The following ARHGAP29 variants were observed in gnomAD, a reference collection of about 807,000 sequenced individuals.
The protein encoded by ARHGAP29 is rho GTPase-activating protein 29.
ARHGAP29 carries 43 observed loss-of-function variants against 122.6 expected under a neutral mutation model. The ratio of observed to expected loss-of-function variants is 0.35; its 90% CI spans 0.27 to 0.45. The LOEUF is 0.45. Among genes scored for constraint, ARHGAP29 ranks in the 20% least tolerant of loss-of-function variants. The pLI is 1.00. For synonymous variants in ARHGAP29, 506 were observed against 497.1 expected (o/e 1.02, Z -0.24); for missense variants, 1,303 against 1,477.2 (o/e 0.88, Z 1.93).
chr1:94,242,144 C>G (rs973026990), upstream of ARHGAP29, among the ~76,000 whole-genome samples: 1 of 152,124 alleles, frequency 6.6e-6, no homozygotes, highest in African/African-American at 2.4e-5. Context: ...CAAAACACAA[C>G]AAGGATTGGC....
At chr1:94,236,830 G>A (rs1436161330) in intron 1 of ARHGAP29, among the ~76,000 whole-genome samples, 1 of 152,144 alleles carries the variant, frequency 6.6e-6, no homozygotes, top group Non-Finnish European at 1.5e-5. Context: ...AAATATCTCA[G>A]GAATGAGAGC....
chr1:94,201,952 C>G, intron 11 of ARHGAP29, 95 bp from the exon 12 acceptor site: 1 of 1,154,638 alleles, frequency 8.7e-7, no homozygotes, highest in Non-Finnish European at 1.2e-6. Context: ...ACTGAAAATT[C>G]TGAAATCTTC....
At chr1:94,183,601 T>A (rs1448193828) in intron 19 of ARHGAP29, among the ~76,000 whole-genome samples, 1 of 152,164 alleles carries the variant, frequency 6.6e-6, no homozygotes, top group Non-Finnish European at 1.5e-5. Context: ...CATTACATGT[T>A]CCCAGGACTC....
intron 12 of ARHGAP29, chr1:94,192,718 C>T (rs1650198926): frequency 6.6e-6 from 1 of 152,044 alleles, no homozygotes; most frequent in East Asian, 1.9e-4. Context: ...TGGAGAAGAG[C>T]AGAATAGGCA....
chr1:94,198,384 T>C (rs1479933143), intron 12 of ARHGAP29, among the ~76,000 whole-genome samples: 6 of 152,026 alleles, frequency 3.9e-5, no homozygotes, highest in African/African-American at 1.5e-4. Flanking sequence ...AGGCTGAGGA[T>C]TGCTTGAGCC....
At chr1:94,240,846 T>A (rs1282300800), upstream of ARHGAP29, among the ~76,000 whole-genome samples, 2 of 152,238 alleles carry the variant, frequency 1.3e-5, no homozygotes, top group African/African-American at 2.4e-5. Flanking sequence ...AGATTAGTAT[T>A]CTTTCTATCT....
At chr1:94,242,671 T>TAA (rs1209275316) in intron 1 of ARHGAP29, among the ~76,000 whole-genome samples, 1 of 112,402 alleles carries the variant, frequency 8.9e-6, no homozygotes, top group African/African-American at 3.4e-5. Context: ...ATGGAACAAA[T>TAA]AAAAAAACAA....
chr1:94,296,568 GA>G, the ARHGAP29 span, among the ~76,000 whole-genome samples: 1 of 152,150 alleles, frequency 6.6e-6, no homozygotes, highest in Non-Finnish European at 1.5e-5. Flanking sequence ...AATCAGGGGG[GA>G]CTACTGTACT....
chr1:94,247,729 G>A (rs1220912374), intron 1 of ARHGAP29: 2 of 752,736 alleles, frequency 2.7e-6, no homozygotes, highest in East Asian at 2.6e-4. Flanking sequence ...CACCACAGCG[G>A]CCGCCGCCTT....
chr1:94,180,730 C>T (rs897464031), intron 19 of ARHGAP29, among the ~76,000 whole-genome samples: 8 of 152,160 alleles, frequency 5.3e-5, no homozygotes, highest in African/African-American at 1.9e-4. Context: ...CTGCAGATTT[C>T]CTGCACAATA....
In ARHGAP29 at chr1:94,179,623, G is replaced by A. The variant is rs1649325097; in HGVS notation, c.2480+102C>T. On this transcript the variant is annotated intron_variant, in intron 20 of 22. Transcript: ENST00000260526. Reference sequence around the variant, plus strand: ...AAAAAAAAAAAAAAAAAAAAAGAATGGCTAAGAAAGTAAATTTTGTTATGT... The same window carrying A: ...AAAAAAAAAAAAAAAAAAAAAGAATAGCTAAGAAAGTAAATTTTGTTATGT... 8.6e-6 allele frequency: 5 copies of A among 582,616 alleles called. No individual in the cohort carries two copies. The Admixed American group carries it at 1.1e-4, about 13-fold the overall frequency. 36.1% of individuals were successfully genotyped at this position (582,616 alleles called of 1,614,324 possible). A position where few individuals can be genotyped will look rare whatever the true frequency, so the allele number is the denominator to read the frequency against.
chr1:94,256,905 T>C (rs1169563670), intron 1 of ARHGAP29, among the ~76,000 whole-genome samples: 1 of 152,084 alleles, frequency 6.6e-6, no homozygotes, highest in African/African-American at 2.4e-5. Flanking sequence ...TTATTTTACT[T>C]CGTGTATGTT....
chr1:94,223,736 G>T (rs1036093108), intron 2 of ARHGAP29, among the ~76,000 whole-genome samples: 1 of 151,706 alleles, frequency 6.6e-6, no homozygotes, highest in African/African-American at 2.4e-5. Flanking sequence ...AAATCTAGTA[G>T]ATATGAAATA....
chr1:94,225,473 A>T lies in ARHGAP29; in HGVS notation c.206-5081T>A, dbSNP rs144604344. Among the ~76,000 whole-genome samples the T allele has an allele frequency of 9.8e-3, 1,484 of 152,186 alleles. 21 individuals carry two copies. Among genetic ancestry groups the T allele is most frequent in the African/African-American group, 0.034 (1,411 of 41,564 alleles). On this transcript the variant is annotated intron_variant, in intron 2 of 22. Transcript: ENST00000260526. ...ACTAGTAATTCTGTAAGCCATTCAA[A>T]CTACCTTTGAAAACAGATTTGCCTC... is the stretch of plus-strand genomic sequence containing the variant.
In ARHGAP29 at chr1:94,186,610, T is replaced by A. The variant is rs1381703457; in HGVS notation, c.1682-13A>T. On this transcript the variant is annotated splice_polypyrimidine_tract_variant and intron_variant, in intron 15 of 22. Coordinates refer to ENST00000260526, the MANE Select transcript of ARHGAP29 (RefSeq NM_004815.4). ...CGATGAAAGTCTCCTAGAAGAAAATTGTGGATACAATTACCTGACCATTCA... is the reference window on the plus strand; with the variant it reads ...CGATGAAAGTCTCCTAGAAGAAAATAGTGGATACAATTACCTGACCATTCA... 1.9e-6 allele frequency: 3 copies of A among 1,586,458 alleles called. No individual in the cohort carries two copies. Among genetic ancestry groups the A allele is most frequent in the Non-Finnish European group, 2.6e-6 (3 of 1,155,588 alleles).
At chr1:94,231,703 T>A in intron 1 of ARHGAP29, 60 bp from the exon 2 acceptor site, 1 of 1,265,802 alleles carries the variant, frequency 7.9e-7, no homozygotes, top group Admixed American at 2.3e-5. Flanking sequence ...ACACAAAAAC[T>A]AAATCAGCCA....
Position 94,226,447 on chromosome 1 carries a change from G to A in ARHGAP29, c.205+4960C>T, listed in dbSNP as rs1205142169. ...AGGAAGAAGATAAATAACTTGCCCA[G>A]GGCTACAAACAACTAGCAAGTGGCA... On this transcript the variant is annotated intron_variant, in intron 2 of 22. Transcript: ENST00000260526. 2.6e-5 allele frequency among the ~76,000 whole-genome samples: 4 copies of A among 151,772 alleles called. 1 individual carries two copies.
At chr1:94,179,986 G>A (rs1208873140) in intron 19 of ARHGAP29, 29 bp from the exon 20 acceptor site, 4 of 1,490,376 alleles carry the variant, frequency 2.7e-6, no homozygotes, top group Non-Finnish European at 3.6e-6. Flanking sequence ...ATTGGGGTAA[G>A]CATTCTATTT....
At chr1:94,281,836 T>G in the ARHGAP29 span, among the ~76,000 whole-genome samples, 1 of 152,260 alleles carries the variant, frequency 6.6e-6, no homozygotes, top group East Asian at 1.9e-4. Context: ...TGCTGGGGAA[T>G]ATTTTTTTCC....
Sources: allele counts gnomAD v4.1 joint callset (sites outside exome capture counted in the v4.1 genomes callset), GRCh38; gene constraint gnomAD v4.1.1; transcripts MANE v1.5; gene names NCBI Gene and HGNC (gene_info 2026-07-23, HGNC 2026-07-21).